The following SUDS3 variants were observed in gnomAD, a reference collection of about 807,000 sequenced individuals.
The protein encoded by SUDS3 is sin3 histone deacetylase corepressor complex component SDS3.
SUDS3 carries 23 observed loss-of-function variants against 53.5 expected under a neutral mutation model. That is an observed-to-expected ratio of 0.43 (90% CI 0.31 to 0.61). SUDS3 has a LOEUF of 0.61. SUDS3 is among the 20% of genes least tolerant of loss of function. The probability of loss-of-function intolerance (pLI) is 0.10; values close to 1 mark genes in which losing one functional copy is unlikely to be tolerated. For missense variants in SUDS3, 291 were observed against 405.9 expected, an observed-to-expected ratio of 0.72 and a Z score of 2.43; for synonymous variants, 150 against 148.5, an observed-to-expected ratio of 1.01 and a Z score of -0.08.
intron 11 of SUDS3, among the ~76,000 whole-genome samples, chr12:118,412,069 G>GT (rs2046364306): frequency 6.6e-6 from 1 of 152,254 alleles, no homozygotes; most frequent in Admixed American, 6.5e-5. Flanking sequence ...AGTTGCCAGG[G>GT]TTATGCCCTT....
intron 6 of SUDS3, among the ~76,000 whole-genome samples, chr12:118,395,715 G>A (rs1340225055): frequency 4.0e-5 from 6 of 151,862 alleles, no homozygotes; most frequent in Admixed American, 6.6e-5. Flanking sequence ...ATTTTGAGAC[G>A]TAGTCTAGCT....
At chr12:118,390,481 A>G (rs2046155688) in intron 5 of SUDS3, among the ~76,000 whole-genome samples, 1 of 152,120 alleles carries the variant, frequency 6.6e-6, no homozygotes, top group South Asian at 2.1e-4. Flanking sequence ...TTTTTGAGAA[A>G]GTCATGGTTT....
At position 118,379,560 on chromosome 12, in the gene SUDS3, C is replaced by T. The variant is rs570067591; in HGVS notation, c.143-602C>T. On this transcript the variant is annotated intron_variant, in intron 1 of 11. Coordinates refer to ENST00000543473, the MANE Select transcript of SUDS3 (RefSeq NM_022491.3). ...GGGAGGTGCAGTAACCACTCCCCCA[C>T]GGATACTGAGGGACAACCGTGTATC... Among the ~76,000 whole-genome samples, 19 of 152,322 alleles carry T rather than the reference C, an allele frequency of 1.2e-4. No individual in the cohort carries two copies. The East Asian group carries it at 1.9e-3, about 15-fold the overall frequency.
At chr12:118,406,238 G>C (rs2046307277) in intron 10 of SUDS3, among the ~76,000 whole-genome samples, 1 of 152,174 alleles carries the variant, frequency 6.6e-6, no homozygotes, top group Non-Finnish European at 1.5e-5. Flanking sequence ...GGGGCTGCCT[G>C]TGAGTCAGAA....
At position 118,416,749 on chromosome 12, in the gene SUDS3, G is replaced by T. The variant is rs946313050; in HGVS notation, c.*2316G>T. 1 of 152,200 alleles carries T rather than the reference G, an allele frequency of 6.6e-6. No individual in the cohort carries two copies. The highest frequency in any genetic ancestry group is 2.4e-5 in the African/African-American group (1 of 41,446). The allele number at this position is 152,200 out of a possible 1,614,324, so 9.4% of individuals were successfully genotyped here. A position where few individuals can be genotyped will look rare whatever the true frequency, so the allele number is the denominator to read the frequency against. On this transcript the variant is annotated 3_prime_UTR_variant, in exon 12 of 12. Coordinates refer to ENST00000543473, the MANE Select transcript of SUDS3 (RefSeq NM_022491.3). ...TGTTAGTAGATGGGGGTACTTCTGTGGTGGGCAGAAGCCTTACTAAAGGGG... is the reference window on the plus strand; with the variant it reads ...TGTTAGTAGATGGGGGTACTTCTGTTGTGGGCAGAAGCCTTACTAAAGGGG...
At position 118,403,087 on chromosome 12, in the gene SUDS3, A is replaced by C. The variant is rs556362823; in HGVS notation, c.698-325A>C. Reference sequence around the variant, plus strand: ...ACGATTGCATTTTTAAGAGATTTTCATAATACTTGCCCTTTGATCACCAGG... The same window carrying C: ...ACGATTGCATTTTTAAGAGATTTTCCTAATACTTGCCCTTTGATCACCAGG... On this transcript the variant is annotated intron_variant, in intron 9 of 11. Coordinates refer to ENST00000543473, the MANE Select transcript of SUDS3 (RefSeq NM_022491.3). Among the ~76,000 whole-genome samples the C allele has an allele frequency of 2.0e-5, 3 of 152,326 alleles. No individual in the cohort carries two copies. The South Asian group carries it at 6.2e-4, about 32-fold the overall frequency.
intron 4 of SUDS3, among the ~76,000 whole-genome samples, chr12:118,389,356 A>G (rs2046144292): frequency 6.6e-6 from 1 of 152,002 alleles, no homozygotes; most frequent in Non-Finnish European, 1.5e-5. Context: ...GAGTAATTGC[A>G]TTATTTCTTC....
Position 118,414,193 on chromosome 12 carries a change from C to T in SUDS3, c.889-142C>T, listed in dbSNP as rs927247293. ...CGAGGTCAGGGGTGCTTATGAAGCC[C>T]TCACAAGTTGAGACAGTTTATTCCA... On this transcript the variant is annotated intron_variant, in intron 11 of 11. Coordinates refer to ENST00000543473, the MANE Select transcript of SUDS3 (RefSeq NM_022491.3). The T allele has an allele frequency of 2.6e-4, 169 of 638,680 alleles. No individual in the cohort carries two copies. In the East Asian group the frequency reaches 4.9e-3, roughly 19 times the overall value. 39.6% of individuals were successfully genotyped at this position (638,680 alleles called of 1,614,324 possible).
chr12:118,391,348 G>C lies in SUDS3; in HGVS notation c.517+66G>C, dbSNP rs1313764568. ...CGGGGGGGTGTGAAGGGCTGTTCCAGTTACTTTTGTCTTACATTTCAAGAG... is the reference window on the plus strand; with the variant it reads ...CGGGGGGGTGTGAAGGGCTGTTCCACTTACTTTTGTCTTACATTTCAAGAG... On this transcript the variant is annotated intron_variant, in intron 6 of 11. Transcript: ENST00000543473. 8 of 1,519,940 alleles carry C rather than the reference G, an allele frequency of 5.3e-6. No homozygotes were observed. In the East Asian group the frequency reaches 1.8e-4, roughly 34 times the overall value. 94.2% of individuals were successfully genotyped at this position (1,519,940 alleles called of 1,614,324 possible). A position where few individuals can be genotyped will look rare whatever the true frequency, so the allele number is the denominator to read the frequency against.
intron 6 of SUDS3, among the ~76,000 whole-genome samples, chr12:118,393,857 G>A (rs1205990429): frequency 6.6e-6 from 1 of 151,602 alleles, no homozygotes; most frequent in African/African-American, 2.4e-5. Flanking sequence ...TTTTAGTAGA[G>A]ACAGGGTTTC....
chr12:118,380,548 A>G (rs1299925587), intron 2 of SUDS3, among the ~76,000 whole-genome samples: 2 of 152,196 alleles, frequency 1.3e-5, no homozygotes, highest in Non-Finnish European at 2.9e-5. Flanking sequence ...AGCGCTTCCA[A>G]AGACCATGTA....
At chr12:118,401,307 G>C (rs1283853825) in intron 7 of SUDS3, among the ~76,000 whole-genome samples, 1 of 152,200 alleles carries the variant, frequency 6.6e-6, no homozygotes, top group African/African-American at 2.4e-5. Context: ...ATAGCTCTCT[G>C]CCCAAAATGG....
At chr12:118,381,727 C>T (rs1051220349) in intron 2 of SUDS3, among the ~76,000 whole-genome samples, 12 of 151,884 alleles carry the variant, frequency 7.9e-5, no homozygotes, top group African/African-American at 2.9e-4. Context: ...CACGTTTGCA[C>T]CTGCTCTCAC....
chr12:118,391,318 C>CT (rs2046165791), intron 6 of SUDS3, 36 bp downstream of exon 6: 2 of 1,577,598 alleles, frequency 1.3e-6, no homozygotes, highest in Admixed American at 3.8e-5. Context: ...CTTGGGGGCC[C>CT]TGAGCGGGGG....
intron 2 of SUDS3, 27 bp from the exon 3 acceptor site, chr12:118,383,985 G>A (rs1241035849): frequency 6.3e-7 from 1 of 1,592,070 alleles, no homozygotes; most frequent in Non-Finnish European, 8.6e-7. Context: ...GTTTTTATCT[G>A]TTAGTGTGAC....
At chr12:118,405,200 GC>G (rs1205615349) in intron 10 of SUDS3, among the ~76,000 whole-genome samples, 1 of 152,182 alleles carries the variant, frequency 6.6e-6, no homozygotes, top group African/African-American at 2.4e-5. Flanking sequence ...TAAAGATCAA[GC>G]CCACACATAA....
At chr12:118,384,787 G>A (rs1051728533) in intron 3 of SUDS3, among the ~76,000 whole-genome samples, 2 of 151,488 alleles carry the variant, frequency 1.3e-5, no homozygotes, top group Non-Finnish European at 2.9e-5. Context: ...AGCCAAGATC[G>A]TGCCACTGCA....
chr12:118,383,896 C>T, intron 2 of SUDS3, 116 bp from the exon 3 acceptor site: 3 of 869,864 alleles, frequency 3.4e-6, no homozygotes, highest in South Asian at 1.7e-5. Flanking sequence ...TCCTCTCTTC[C>T]CTGAAGGACA....
intron 2 of SUDS3, among the ~76,000 whole-genome samples, chr12:118,381,484 G>A (rs1223292983): frequency 6.6e-6 from 1 of 152,066 alleles, no homozygotes; most frequent in Non-Finnish European, 1.5e-5. Context: ...CTGGGCTCAA[G>A]CAATTCTCCT....
Sources: gnomAD v4.1 joint callset for allele counts (sites outside exome capture counted in the v4.1 genomes callset) on GRCh38, gnomAD v4.1.1 for gene constraint, MANE v1.5 for transcripts, NCBI Gene and HGNC (gene_info 2026-07-23, HGNC 2026-07-21) for gene names.